FHOD3: variants seen among roughly 807,000 people sequenced by gnomAD.
FHOD3 encodes formin homology 2 domain containing 3, also known as FH1/FH2 domain-containing protein 3.
Under a neutral mutation model 173.0 loss-of-function variants are expected in FHOD3, and 90 were observed. That is an observed-to-expected ratio of 0.52 (90% confidence interval 0.44 to 0.62). FHOD3 has a LOEUF of 0.62. Ranked by LOEUF, FHOD3 falls within the 20% of genes least tolerant of loss-of-function variation. The pLI is 0.00. For missense variants in FHOD3, 1,945 were observed against 2,034.7 expected, an observed-to-expected ratio of 0.96 and a Z score of 0.85; for synonymous variants, 828 against 823.0, an observed-to-expected ratio of 1.01 and a Z score of -0.10.
chr18:36,720,801 C>G (rs547876223), intron 19 of FHOD3, among the ~76,000 whole-genome samples: 1 of 149,450 alleles, frequency 6.7e-6, no homozygotes, highest in Non-Finnish European at 1.5e-5. Context: ...TCTTCCTCCT[C>G]CTCTTCCTCC....
chr18:36,400,078 A>T (rs1451231636), intron 3 of FHOD3, among the ~76,000 whole-genome samples: 4 of 152,238 alleles, frequency 2.6e-5, no homozygotes, highest in Non-Finnish European at 5.9e-5. Flanking sequence ...CTCCCCATGC[A>T]TCTTTCTGTG....
At chr18:36,701,586 T>C (rs1465385387) in intron 17 of FHOD3, among the ~76,000 whole-genome samples, 2 of 152,292 alleles carry the variant, frequency 1.3e-5, no homozygotes, top group African/African-American at 4.8e-5. Context: ...TGAGGGAGCA[T>C]GACCACAAGG....
intron 3 of FHOD3, among the ~76,000 whole-genome samples, chr18:36,498,039 G>C (rs370554371): frequency 9.9e-5 from 15 of 152,060 alleles, no homozygotes; most frequent in East Asian, 5.8e-4. Context: ...ATTAGTAACA[G>C]ATATCTGGAA....
At chr18:36,614,016 C>T (rs2032954672) in intron 9 of FHOD3, among the ~76,000 whole-genome samples, 1 of 152,142 alleles carries the variant, frequency 6.6e-6, no homozygotes, top group African/African-American at 2.4e-5. Flanking sequence ...CCATCCTTCA[C>T]ATTCCACAAA....
chr18:36,602,622 A>G (rs1295823377), intron 7 of FHOD3, 52 bp from the exon 8 acceptor site: 44 of 1,300,592 alleles, frequency 3.4e-5, no homozygotes, highest in Non-Finnish European at 1.0e-5. Context: ...TGTGAGTTAG[A>G]TAAAGAATGT....
rs1486995582 is a variant in FHOD3 at position 36,447,907 on chromosome 18, C to A, written c.338-54025C>A. ...ACAGGAAACTGGTTACTTTACTTTT[C>A]ACTGAGGAGGGCAGTCAGGCAGCTG... On this transcript the variant is annotated intron_variant, in intron 3 of 28. Transcript: ENST00000590592. Among the ~76,000 whole-genome samples the A allele has an allele frequency of 2.0e-5, 3 of 152,152 alleles. No homozygotes were observed. The East Asian group carries it at 5.8e-4, about 29-fold the overall frequency.
chr18:36,713,226 G>A (rs2040268082), intron 18 of FHOD3, among the ~76,000 whole-genome samples: 2 of 152,216 alleles, frequency 1.3e-5, no homozygotes, highest in Admixed American at 6.5e-5. Context: ...TTCTGCTTAT[G>A]AGTTACTAAA....
intron 5 of FHOD3, among the ~76,000 whole-genome samples, chr18:36,558,072 G>T (rs1305720957): frequency 1.3e-5 from 2 of 152,106 alleles, no homozygotes; most frequent in African/African-American, 4.8e-5. Flanking sequence ...TTTTGGAAAG[G>T]TTCTTCCCTG....
intron 17 of FHOD3, among the ~76,000 whole-genome samples, chr18:36,700,802 A>C (rs1328082404): frequency 6.6e-6 from 1 of 152,086 alleles, no homozygotes; most frequent in Non-Finnish European, 1.5e-5. Context: ...CCCCCAACAA[A>C]TGTTATGCTC....
At chr18:36,627,256 G>A (rs1200904928) in intron 10 of FHOD3, among the ~76,000 whole-genome samples, 1 of 152,264 alleles carries the variant, frequency 6.6e-6, no homozygotes, top group East Asian at 1.9e-4. Context: ...TCTGAAAAAG[G>A]CCTGTATATA....
At chr18:36,664,803 A>AGAGATT (rs1323027224) in intron 14 of FHOD3, among the ~76,000 whole-genome samples, 91 of 150,616 alleles carry the variant, frequency 6.0e-4, no homozygotes, top group Admixed American at 2.6e-3. Context: ...AGAGAGAGAG[A>AGAGATT]GAGAGAGAGA....
At position 36,444,548 on chromosome 18, in the gene FHOD3, C is replaced by G. The variant is rs1269463129; in HGVS notation, c.338-57384C>G. Among the ~76,000 whole-genome samples the G allele has an allele frequency of 2.0e-5, 3 of 152,112 alleles. No individual in the cohort carries two copies. In the East Asian group the frequency reaches 5.8e-4, roughly 29 times the overall value. On this transcript the variant is annotated intron_variant, in intron 3 of 28. Transcript: ENST00000590592. ...CATTCCCCGCTTCTTTCTTTCTCCC[C>G]CTCTTCTTTCCTTTCTTGTTTCCAC... is the stretch of plus-strand genomic sequence containing the variant.
chr18:36,604,025 C>T (rs958230782), intron 8 of FHOD3, among the ~76,000 whole-genome samples: 1 of 152,164 alleles, frequency 6.6e-6, no homozygotes, highest in African/African-American at 2.4e-5. Context: ...TGCGTCCCTC[C>T]CTGATCACCA....
intron 1 of FHOD3, among the ~76,000 whole-genome samples, chr18:36,343,740 C>CAGGACTGTGAGCCAGATAACTCTTCTAA (rs2045744439): frequency 6.6e-6 from 1 of 152,178 alleles, no homozygotes; most frequent in African/African-American, 2.4e-5. Flanking sequence ...TTCCAGCCAG[C>CAGGACTGTGAGCCAGATAACTCTTCTAA]AGGACTGTGA....
At chr18:36,639,771 C>T (rs963259712) in intron 10 of FHOD3, among the ~76,000 whole-genome samples, 3 of 148,750 alleles carry the variant, frequency 2.0e-5, no homozygotes, top group South Asian at 2.1e-4. Flanking sequence ...TGCAGTGAGC[C>T]GAGATCGTGC....
intron 1 of FHOD3, among the ~76,000 whole-genome samples, chr18:36,317,429 G>A (rs1266726669): frequency 2.0e-5 from 3 of 152,160 alleles, no homozygotes; most frequent in Admixed American, 6.6e-5. Flanking sequence ...ACCGGCATGA[G>A]TTATGATTTG....
At chr18:36,634,534 A>G (rs2034740480) in intron 10 of FHOD3, among the ~76,000 whole-genome samples, 1 of 152,112 alleles carries the variant, frequency 6.6e-6, no homozygotes. Context: ...TGAGCAATCT[A>G]TTTGCAAGCA....
chr18:36,759,060 G>A, intron 25 of FHOD3, 58 bp from the exon 26 acceptor site: 1 of 1,522,834 alleles, frequency 6.6e-7, no homozygotes, highest in Non-Finnish European at 8.8e-7. Context: ...TGACTTCTGT[G>A]CCTTCTAAGA....
At chr18:36,509,436 AAAAAAG>A (rs1445619275) in intron 4 of FHOD3, among the ~76,000 whole-genome samples, 4 of 80,284 alleles carry the variant, frequency 5.0e-5, no homozygotes, top group Admixed American at 1.1e-4. Context: ...CAAAAAAAAA[AAAAAAG>A]AAAAAAAAAA....
Sources: allele counts gnomAD v4.1 joint callset (sites outside exome capture counted in the v4.1 genomes callset), GRCh38; gene constraint gnomAD v4.1.1; transcripts MANE v1.5; gene names NCBI Gene and HGNC (gene_info 2026-07-23, HGNC 2026-07-21).